Variants in NLGN1 observed in about 807,000 individuals in gnomAD.
NLGN1 encodes neuroligin 1.
A neutral mutation model predicts 65.5 loss-of-function variants in NLGN1; 12 were observed. That is an observed-to-expected ratio of 0.18 (90% confidence interval 0.12 to 0.30). NLGN1 has a LOEUF of 0.30. Among genes scored for constraint, NLGN1 ranks in the 10% least tolerant of loss-of-function variants. The probability of loss-of-function intolerance (pLI) is 1.00; values close to 1 mark genes in which losing one functional copy is unlikely to be tolerated. For synonymous variants in NLGN1, 350 were observed against 359.5 expected (o/e 0.97, Z 0.30); for missense variants, 750 against 1,007.1 (o/e 0.74, Z 3.46).
chr3:174,203,568 G>A (rs1734888945), intron 4 of NLGN1, among the ~76,000 whole-genome samples: 1 of 152,096 alleles, frequency 6.6e-6, no homozygotes, highest in Non-Finnish European at 1.5e-5. Context: ...GCTGCAGAAG[G>A]CAGACAGAGA....
intron 4 of NLGN1, among the ~76,000 whole-genome samples, chr3:173,996,250 C>A (rs1026244093): frequency 2.6e-5 from 4 of 152,076 alleles, no homozygotes; most frequent in Non-Finnish European, 5.9e-5. Context: ...TTTAAAATTA[C>A]GTCTATTTTA....
At chr3:173,707,452 C>A (rs551318943) in intron 3 of NLGN1, among the ~76,000 whole-genome samples, 1 of 152,044 alleles carries the variant, frequency 6.6e-6, no homozygotes, top group African/African-American at 2.4e-5. Context: ...GAAGAATAAA[C>A]AAGATACTGG....
At chr3:174,129,354 AACACACACACACACACACAC>A (rs61122760) in intron 4 of NLGN1, among the ~76,000 whole-genome samples, 19 of 116,780 alleles carry the variant, frequency 1.6e-4, no homozygotes, top group African/African-American at 2.9e-4. Context: ...CCCGGTTTAC[AACACACACACACACACACAC>A]ACACACACAC....
At chr3:173,877,693 C>G (rs1412380099) in intron 4 of NLGN1, among the ~76,000 whole-genome samples, 1 of 152,120 alleles carries the variant, frequency 6.6e-6, no homozygotes, top group African/African-American at 2.4e-5. Flanking sequence ...AAAATTATCT[C>G]AACCTTAAAT....
intron 4 of NLGN1, among the ~76,000 whole-genome samples, chr3:174,253,551 T>A (rs141909483): frequency 6.6e-6 from 1 of 152,308 alleles, no homozygotes; most frequent in African/African-American, 2.4e-5. Context: ...ACTGTGGCAT[T>A]ACAGGTCAAA....
chr3:173,545,506 G>C (rs964037012), intron 2 of NLGN1, among the ~76,000 whole-genome samples: 8 of 152,196 alleles, frequency 5.3e-5, no homozygotes, highest in African/African-American at 1.9e-4. Flanking sequence ...TTTGTCAGGA[G>C]AGAATGTAGA....
At chr3:174,205,520 A>G (rs1362389130) in intron 4 of NLGN1, among the ~76,000 whole-genome samples, 1 of 151,870 alleles carries the variant, frequency 6.6e-6, no homozygotes, top group Non-Finnish European at 1.5e-5. Context: ...AAGGTTTTCA[A>G]CTCCTCAGGA....
At chr3:173,819,094 C>T (rs546084691) in intron 4 of NLGN1, among the ~76,000 whole-genome samples, 3 of 151,866 alleles carry the variant, frequency 2.0e-5, no homozygotes, top group African/African-American at 7.3e-5. Context: ...CCTTGAACTA[C>T]TTACTCTGTA....
chr3:174,253,903 C>A (rs1285636014), intron 4 of NLGN1, among the ~76,000 whole-genome samples: 1 of 152,140 alleles, frequency 6.6e-6, no homozygotes, highest in African/African-American at 2.4e-5. Context: ...CCTTGGTGAG[C>A]CTTCACTGGC....
intron 3 of NLGN1, among the ~76,000 whole-genome samples, chr3:173,794,433 A>G (rs1018137916): frequency 2.0e-5 from 3 of 152,094 alleles, no homozygotes; most frequent in Non-Finnish European, 2.9e-5. Context: ...AGGTTGGATT[A>G]TTGATGCCAT....
chr3:174,255,823 T>G (rs1745648329), intron 4 of NLGN1, among the ~76,000 whole-genome samples: 1 of 151,916 alleles, frequency 6.6e-6, no homozygotes, highest in African/African-American at 2.4e-5. Flanking sequence ...CATGCCCAGC[T>G]AATTTTTGCA....
At chr3:173,965,293 T>C (rs1019772308) in intron 4 of NLGN1, among the ~76,000 whole-genome samples, 5 of 152,120 alleles carry the variant, frequency 3.3e-5, no homozygotes, top group Middle Eastern at 3.4e-3. Context: ...TTCCTTTTTT[T>C]CCCCTAGAAC....
At chr3:174,074,940 G>C (rs1740610904) in intron 4 of NLGN1, among the ~76,000 whole-genome samples, 1 of 152,126 alleles carries the variant, frequency 6.6e-6, no homozygotes. Context: ...GTATATAACA[G>C]ACACACTTAA....
intron 2 of NLGN1, among the ~76,000 whole-genome samples, chr3:173,483,148 G>C (rs1167977820): frequency 6.6e-6 from 1 of 151,838 alleles, no homozygotes; most frequent in Non-Finnish European, 1.5e-5. Flanking sequence ...CTCAATAATT[G>C]AACACATCTT....
intron 4 of NLGN1, among the ~76,000 whole-genome samples, chr3:173,887,091 G>GTATA (rs1435412181): frequency 1.3e-5 from 2 of 151,968 alleles, no homozygotes; most frequent in African/African-American, 4.8e-5. Context: ...TTATTGTAAG[G>GTATA]TATAGCTTAT....
At chr3:173,991,133 G>C (rs1445028400) in intron 4 of NLGN1, among the ~76,000 whole-genome samples, 1 of 152,076 alleles carries the variant, frequency 6.6e-6, no homozygotes. Flanking sequence ...TTCAACAAAT[G>C]TATGACATAT....
chr3:173,489,251 C>T (rs569766937), intron 2 of NLGN1, among the ~76,000 whole-genome samples: 7 of 150,726 alleles, frequency 4.6e-5, no homozygotes, highest in African/African-American at 1.7e-4. Flanking sequence ...CACCCCACAA[C>T]AGGCCCCAGT....
At chr3:174,143,195 A>C (rs1722617706) in intron 4 of NLGN1, among the ~76,000 whole-genome samples, 1 of 152,188 alleles carries the variant, frequency 6.6e-6, no homozygotes, top group African/African-American at 2.4e-5. Context: ...AGGAGAGGAC[A>C]TCCAAACCAT....
intron 4 of NLGN1, among the ~76,000 whole-genome samples, chr3:174,171,965 C>T (rs1728618238): frequency 6.6e-6 from 1 of 152,030 alleles, no homozygotes; most frequent in South Asian, 2.1e-4. Context: ...TCAATATTTA[C>T]TTACTGAGAC....
Sources: gnomAD v4.1 joint callset for allele counts (sites outside exome capture counted in the v4.1 genomes callset) on GRCh38, gnomAD v4.1.1 for gene constraint, MANE v1.5 for transcripts, NCBI Gene and HGNC (gene_info 2026-07-23, HGNC 2026-07-21) for gene names.